Variants in CYP19A1 observed in about 807,000 individuals in gnomAD.
CYP19A1 encodes the protein cytochrome P450 family 19 subfamily A member 1, also known as aromatase.
A neutral mutation model predicts 44.4 loss-of-function variants in CYP19A1; 32 were observed. The observed-to-expected ratio is 0.72, with a 90% CI of 0.54 to 0.97. The LOEUF (loss-of-function observed/expected upper bound fraction) is 0.97, where lower values mean the gene tolerates loss of function less well. Ranked by LOEUF, CYP19A1 falls within the 50% of genes least tolerant of loss-of-function variation. The probability of loss-of-function intolerance (pLI) is 0.00; values close to 1 mark genes in which losing one functional copy is unlikely to be tolerated. For synonymous variants in CYP19A1, 212 were observed against 215.6 expected, an observed-to-expected ratio of 0.98 and a Z score of 0.14; for missense variants, 598 against 637.8, an observed-to-expected ratio of 0.94 and a Z score of 0.67.
intron 1 of CYP19A1, among the ~76,000 whole-genome samples, chr15:51,251,903 G>A (rs1195521799): frequency 3.3e-5 from 5 of 152,234 alleles, no homozygotes; most frequent in East Asian, 1.9e-4. Flanking sequence ...CTCTCTGGAC[G>A]TCCATTTCCT....
At position 51,215,702 on chromosome 15, in the gene CYP19A1, C is replaced by G. The variant is rs770985699; in HGVS notation, c.858+1G>C. On this transcript the variant is annotated splice_donor_variant, in intron 7 of 9. Transcript: ENST00000396402. LOFTEE classifies it high-confidence loss of function. ...GAATTACAGTTAGTTCAGGTCAGTA[C>G]CTCTGCTAAAATCAACTCAGTGGCA... 6.2e-7 allele frequency: 1 copy of G among 1,613,964 alleles called. No homozygotes were observed. The highest frequency in any genetic ancestry group is 1.1e-5 in the South Asian group (1 of 91,072).
intron 1 of CYP19A1, among the ~76,000 whole-genome samples, chr15:51,331,726 T>C (rs2036704904): frequency 6.6e-6 from 1 of 152,224 alleles, no homozygotes; most frequent in Non-Finnish European, 1.5e-5. Flanking sequence ...TACTGGTTAG[T>C]GACTTTTTGC....
chr15:51,225,842 C>A (rs1277332908), intron 4 of CYP19A1, among the ~76,000 whole-genome samples: 1 of 152,008 alleles, frequency 6.6e-6, no homozygotes. Flanking sequence ...GTGATCCCAG[C>A]ACTTTGGGAG....
rs1250387139 is a variant in CYP19A1 at position 51,306,184 on chromosome 15, G to T, written c.-39+32311C>A. On this transcript the variant is annotated intron_variant, in intron 1 of 9. Coordinates refer to ENST00000396402, the MANE Select transcript of CYP19A1 (RefSeq NM_000103.4). ...ATATGGCTCCATGACTTCTACCCAAGAAAAGCTTGGTAGGGAGAGTGGACT... is the reference window on the plus strand; with the variant it reads ...ATATGGCTCCATGACTTCTACCCAATAAAAGCTTGGTAGGGAGAGTGGACT... 2.0e-5 allele frequency among the ~76,000 whole-genome samples: 3 copies of T among 152,146 alleles called. No homozygotes were observed. The East Asian group carries it at 5.8e-4, about 29-fold the overall frequency.
chr15:51,214,071 A>G (rs1481708145), intron 8 of CYP19A1, among the ~76,000 whole-genome samples: 2 of 152,132 alleles, frequency 1.3e-5, no homozygotes, highest in Non-Finnish European at 2.9e-5. Flanking sequence ...ACGTTTAACT[A>G]TTTCAAGGAG....
intron 3 of CYP19A1, among the ~76,000 whole-genome samples, chr15:51,231,663 G>A (rs1021809699): frequency 2.0e-5 from 3 of 151,882 alleles, no homozygotes; most frequent in Non-Finnish European, 4.4e-5. Flanking sequence ...TAGCGCACAC[G>A]TGCCTGCTGT....
chr15:51,329,583 G>A (rs751078598), intron 1 of CYP19A1, among the ~76,000 whole-genome samples: 43 of 152,300 alleles, frequency 2.8e-4, no homozygotes, highest in Non-Finnish European at 5.6e-4. Context: ...AAATACCACC[G>A]GGGATGAAGA....
chr15:51,233,980 T>G (rs2141097511), intron 3 of CYP19A1, among the ~76,000 whole-genome samples: 1 of 152,280 alleles, frequency 6.6e-6, no homozygotes, highest in East Asian at 1.9e-4. Context: ...TCCCCTGAAG[T>G]TCTGCAGCCC....
At chr15:51,263,444 A>T (rs2034803595) in intron 1 of CYP19A1, among the ~76,000 whole-genome samples, 1 of 152,216 alleles carries the variant, frequency 6.6e-6, no homozygotes, top group African/African-American at 2.4e-5. Flanking sequence ...CTGTTAAAGG[A>T]GAATAGACAG....
rs770120065 is a variant in CYP19A1 at position 51,210,950 on chromosome 15, C to A, written c.1370G>T (p.Arg457Leu). 4 of 1,608,986 alleles carry A rather than the reference C, an allele frequency of 2.5e-6. No homozygotes were observed. In the African/African-American group the frequency reaches 4.0e-5, roughly 16 times the overall value. ...TCCTTGCAATGTCTTCACGTGGAAT[C>A]GTCTCAGAAGTGTAACGAGGATGGC... ...MKAILVTLLRRFHVKTLQGQC... is the reference protein window; with the variant it reads ...MKAILVTLLRLFHVKTLQGQC... Residue 457 changes from arginine (R) to leucine (L), a missense_variant, in exon 10 of 10, where the codon CGA (arginine) becomes CTA (leucine). Coordinates refer to ENST00000396402, the MANE Select transcript of CYP19A1 (RefSeq NM_000103.4).
In CYP19A1 at chr15:51,217,704, G is replaced by T. The variant is rs535391755; in HGVS notation, c.743+837C>A. ...GGAAAGGGAGAAACTAACATATTTA[G>T]TACCCTCTATGTGCCATGCTCTATG... On this transcript the variant is annotated intron_variant, in intron 6 of 9. Transcript: ENST00000396402. Among the ~76,000 whole-genome samples the T allele has an allele frequency of 5.3e-5, 8 of 152,256 alleles. No individual in the cohort carries two copies. The South Asian group carries it at 1.5e-3, about 28-fold the overall frequency.
chr15:51,213,096 T>A (rs1022337339), intron 8 of CYP19A1, among the ~76,000 whole-genome samples: 1 of 152,218 alleles, frequency 6.6e-6, no homozygotes, highest in Non-Finnish European at 1.5e-5. Context: ...CAAAGTGAGA[T>A]GGCAGATTTG....
At chr15:51,262,156 A>T (rs1156940701) in intron 1 of CYP19A1, among the ~76,000 whole-genome samples, 1 of 152,248 alleles carries the variant, frequency 6.6e-6, no homozygotes, top group Non-Finnish European at 1.5e-5. Context: ...CAATAGCATG[A>T]GCGATCTGTG....
At chr15:51,243,996 T>C (rs1309454612) in intron 1 of CYP19A1, among the ~76,000 whole-genome samples, 1 of 152,202 alleles carries the variant, frequency 6.6e-6, no homozygotes, top group African/African-American at 2.4e-5. Flanking sequence ...GCAGATGACA[T>C]ACTCCAAGGT....
chr15:51,334,088 T>A (rs1281173588), intron 1 of CYP19A1, among the ~76,000 whole-genome samples: 2 of 152,228 alleles, frequency 1.3e-5, no homozygotes, highest in Non-Finnish European at 2.9e-5. Context: ...GCATTCAGTG[T>A]CTGCTCCAGG....
At chr15:51,279,880 T>C (rs2035454325) in intron 1 of CYP19A1, 2 of 152,226 alleles carry the variant, frequency 1.3e-5, no homozygotes, top group Non-Finnish European at 2.9e-5. Context: ...GCAGAAACTG[T>C]TGTATTCTCC....
At chr15:51,293,157 C>T (rs1057171792) in intron 1 of CYP19A1, among the ~76,000 whole-genome samples, 2 of 152,098 alleles carry the variant, frequency 1.3e-5, no homozygotes, top group East Asian at 3.9e-4. Context: ...ACATTGGGTA[C>T]GGTGCACACT....
At chr15:51,337,904 G>A (rs1295140128) in intron 1 of CYP19A1, 1 of 152,450 alleles carries the variant, frequency 6.6e-6, no homozygotes, top group African/African-American at 2.4e-5. Context: ...ATCTGACAGT[G>A]GAGTCTGGTA....
chr15:51,306,667 C>A (rs2036222040), intron 1 of CYP19A1, among the ~76,000 whole-genome samples: 1 of 152,138 alleles, frequency 6.6e-6, no homozygotes, highest in South Asian at 2.1e-4. Flanking sequence ...ATATTAAGTA[C>A]CTATTCTGTG....
Sources: allele counts gnomAD v4.1 joint callset (sites outside exome capture counted in the v4.1 genomes callset), GRCh38; gene constraint gnomAD v4.1.1; transcripts MANE v1.5; gene names NCBI Gene and HGNC (gene_info 2026-07-23, HGNC 2026-07-21).